PDE9A: variants seen among roughly 807,000 people sequenced by gnomAD.
PDE9A encodes the protein phosphodiesterase 9A, also known as high affinity cGMP-specific 3',5'-cyclic phosphodiesterase 9A.
In PDE9A, 60 loss-of-function variants were observed where a neutral mutation model predicts 87.4. That is an observed-to-expected ratio of 0.69 (90% CI 0.56 to 0.85). The LOEUF (loss-of-function observed/expected upper bound fraction) is 0.85. Among genes scored for constraint, PDE9A ranks in the 40% least tolerant of loss-of-function variants. The pLI is 0.00. For synonymous variants in PDE9A, 272 were observed against 279.4 expected, an observed-to-expected ratio of 0.97 and a Z score of 0.27; for missense variants, 665 against 779.0, an observed-to-expected ratio of 0.85 and a Z score of 1.74.
chr21:42,686,848 T>C (rs1053447274), intron 2 of PDE9A, among the ~76,000 whole-genome samples: 1 of 151,982 alleles, frequency 6.6e-6, no homozygotes, highest in African/African-American at 2.4e-5. Flanking sequence ...GAGTGTGGGT[T>C]TTTTCCTCTC....
At chr21:42,724,429 C>T (rs1320599802) in intron 4 of PDE9A, 1 of 168,212 alleles carries the variant, frequency 5.9e-6, no homozygotes, top group Non-Finnish European at 1.2e-5. Flanking sequence ...ACTGTGGCCA[C>T]AGCAGGAATT....
chr21:42,720,394 T>A (rs1434844296), intron 4 of PDE9A, among the ~76,000 whole-genome samples: 2 of 152,088 alleles, frequency 1.3e-5, no homozygotes, highest in Non-Finnish European at 2.9e-5. Context: ...CTCGGGAGGC[T>A]GAGGCAGGAG....
In PDE9A at chr21:42,702,904, A is replaced by G. The variant is rs933795808; in HGVS notation, c.262+3893A>G. On this transcript the variant is annotated intron_variant, in intron 4 of 19. Coordinates refer to ENST00000291539, the MANE Select transcript of PDE9A (RefSeq NM_002606.3). This position sits in a 1 kb window ranked among gnomAD's most constrained non-coding sequence, Gnocchi z 4.9. ...GCTATTAGAAGGCTTTCAGGAGAGGAGTGACATCATCACATTTGTGTTTTA... is the reference window on the plus strand; with the variant it reads ...GCTATTAGAAGGCTTTCAGGAGAGGGGTGACATCATCACATTTGTGTTTTA... Among the ~76,000 whole-genome samples the G allele has an allele frequency of 3.3e-5, 5 of 152,226 alleles. No individual in the cohort carries two copies. The highest frequency in any genetic ancestry group is 9.6e-5 in the African/African-American group (4 of 41,454).
At chr21:42,736,599 T>G (rs1195133634) in intron 7 of PDE9A, among the ~76,000 whole-genome samples, 2 of 152,252 alleles carry the variant, frequency 1.3e-5, no homozygotes, top group Non-Finnish European at 2.9e-5. Context: ...TACTGATTTC[T>G]AGCACCAGAG....
intron 1 of PDE9A, among the ~76,000 whole-genome samples, chr21:42,663,744 G>A (rs1334172481): frequency 3.3e-5 from 5 of 152,120 alleles, no homozygotes; most frequent in South Asian, 2.1e-4. Context: ...GTCCCTCAGC[G>A]CTGTGTCACA....
intron 16 of PDE9A, chr21:42,768,541 C>A: frequency 1.5e-6 from 2 of 1,291,052 alleles, no homozygotes; most frequent in Non-Finnish European, 2.0e-6. Flanking sequence ...GCTAATTGAG[C>A]CATTATTACA....
At chr21:42,664,326 G>A (rs2057810422) in intron 1 of PDE9A, among the ~76,000 whole-genome samples, 1 of 152,242 alleles carries the variant, frequency 6.6e-6, no homozygotes, top group East Asian at 1.9e-4. Context: ...GCCTGGCACA[G>A]GGACGTGCCA....
chr21:42,662,638 C>G (rs1008400893), intron 1 of PDE9A, among the ~76,000 whole-genome samples: 2 of 141,532 alleles, frequency 1.4e-5, no homozygotes, highest in African/African-American at 5.4e-5. Flanking sequence ...ACCACACACA[C>G]GCACATCCCA....
At chr21:42,708,633 C>T (rs917694346) in intron 4 of PDE9A, among the ~76,000 whole-genome samples, 3 of 152,226 alleles carry the variant, frequency 2.0e-5, no homozygotes, top group Non-Finnish European at 4.4e-5. Context: ...CGGCTCACTG[C>T]AACTTCTGCC....
chr21:42,653,775 A>C lies in PDE9A; in HGVS notation c.-40A>C. ...CCTCCCGCGGCGGCTGGCGTCGGGA[A>C]AGTACAGTAAAAAGTCCGAGTGCAG... On this transcript the variant is annotated 5_prime_UTR_variant, in exon 1 of 20. Transcript: ENST00000291539. 2.4e-6 allele frequency: 3 copies of C among 1,259,268 alleles called. No homozygotes were observed. Among genetic ancestry groups the C allele is most frequent in the Non-Finnish European group, 2.1e-6 (2 of 953,544 alleles). 78.0% of individuals were successfully genotyped at this position (1,259,268 alleles called of 1,614,324 possible).
chr21:42,768,376 G>C lies in PDE9A; in HGVS notation c.1461+84G>C, dbSNP rs1032053084. 12 of 1,050,146 alleles carry C rather than the reference G, an allele frequency of 1.1e-5. No homozygotes were observed. The Admixed American group carries it at 2.2e-4, about 19-fold the overall frequency. 65.1% of individuals were successfully genotyped at this position (1,050,146 alleles called of 1,614,324 possible). On this transcript the variant is annotated intron_variant, in intron 16 of 19. Transcript: ENST00000291539. Reference sequence around the variant, plus strand: ...GGGTTTGCGTTAAACGAGCACGCCTGGGTGGTCCCGCATATTCCCCGGGCT... The same window carrying C: ...GGGTTTGCGTTAAACGAGCACGCCTCGGTGGTCCCGCATATTCCCCGGGCT...
chr21:42,718,369 AT>A (rs1160985334), intron 4 of PDE9A, among the ~76,000 whole-genome samples: 2 of 151,850 alleles, frequency 1.3e-5, no homozygotes, highest in Non-Finnish European at 2.9e-5. Context: ...ATTGTCAGCC[AT>A]TACGTGTTAT....
intron 13 of PDE9A, among the ~76,000 whole-genome samples, chr21:42,761,191 C>T (rs977212631): frequency 6.6e-6 from 1 of 152,262 alleles, no homozygotes; most frequent in African/African-American, 2.4e-5. Flanking sequence ...TCCCTGGCCC[C>T]GCCGGCGCCT....
intron 1 of PDE9A, among the ~76,000 whole-genome samples, chr21:42,677,774 C>T (rs566711365): frequency 6.6e-6 from 1 of 152,296 alleles, no homozygotes; most frequent in South Asian, 2.1e-4. Context: ...TCCTGAGGAG[C>T]TGGGACTACA....
At chr21:42,745,710 T>TTCCAGGGTGGTGC (rs1408316149) in intron 8 of PDE9A, among the ~76,000 whole-genome samples, 4 of 152,192 alleles carry the variant, frequency 2.6e-5, no homozygotes, top group African/African-American at 9.6e-5. Context: ...GAGGGTGGTG[T>TTCCAGGGTGGTGC]TCCAGGGTGG....
chr21:42,710,036 TG>T (rs913937092), intron 4 of PDE9A, among the ~76,000 whole-genome samples: 15 of 152,236 alleles, frequency 9.9e-5, no homozygotes, highest in Admixed American at 9.8e-4. Flanking sequence ...TCCATGATCT[TG>T]GGTCCACCTA....
intron 4 of PDE9A, among the ~76,000 whole-genome samples, chr21:42,718,815 T>C (rs2050197791): frequency 6.6e-6 from 1 of 151,830 alleles, no homozygotes; most frequent in Non-Finnish European, 1.5e-5. Flanking sequence ...CATTTTCCTA[T>C]TTCTTTGCAT....
At chr21:42,757,888 G>C (rs912386917) in intron 10 of PDE9A, 3 of 152,302 alleles carry the variant, frequency 2.0e-5, no homozygotes, top group Non-Finnish European at 4.4e-5. Flanking sequence ...TCTCCAAATA[G>C]CCCCACTGGG....
At position 42,704,216 on chromosome 21, in the gene PDE9A, T is replaced by C. The variant is rs535420340; in HGVS notation, c.262+5205T>C. 2.6e-5 allele frequency among the ~76,000 whole-genome samples: 4 copies of C among 152,316 alleles called. No homozygotes were observed. The highest frequency in any genetic ancestry group is 9.6e-5 in the African/African-American group (4 of 41,584). On this transcript the variant is annotated intron_variant, in intron 4 of 19. Transcript: ENST00000291539. This position sits in a 1 kb window ranked among gnomAD's most constrained non-coding sequence, Gnocchi z 5.3. ...CCGGGCCAGCCGAGGAGCGCTGCGC[T>C]TATTCCGCAGTGAGGAGTCGCTGGC...
Sources: gnomAD v4.1 joint callset for allele counts (sites outside exome capture counted in the v4.1 genomes callset) on GRCh38, gnomAD v4.1.1 for gene constraint, Gnocchi (gnomAD v3.1) non-coding constraint, MANE v1.5 for transcripts, NCBI Gene and HGNC (gene_info 2026-07-23, HGNC 2026-07-21) for gene names.